Variants in PPP1R1C observed in about 807,000 individuals in gnomAD.
PPP1R1C encodes the protein protein phosphatase 1 regulatory inhibitor subunit 1C.
A neutral mutation model predicts 17.4 loss-of-function variants in PPP1R1C; 15 were observed. The observed-to-expected ratio is 0.86, with a 90% CI of 0.58 to 1.33. The LOEUF (loss-of-function observed/expected upper bound fraction) is 1.33, where lower values mean the gene tolerates loss of function less well. Among genes scored for constraint, PPP1R1C ranks in the 40% most tolerant of loss-of-function variants. The pLI, the probability that PPP1R1C is intolerant of heterozygous loss-of-function variation, is 0.00. For missense variants in PPP1R1C, 143 were observed against 130.0 expected, an observed-to-expected ratio of 1.10 and a Z score of -0.48; for synonymous variants, 35 against 43.1, an observed-to-expected ratio of 0.81 and a Z score of 0.73.
chr2:182,009,004 T>A (rs1686011150), intron 2 of PPP1R1C, among the ~76,000 whole-genome samples: 1 of 152,202 alleles, frequency 6.6e-6, no homozygotes, highest in African/African-American at 2.4e-5. Flanking sequence ...TGTGTTTACG[T>A]ATCACATTTT....
chr2:181,956,498 T>C lies in PPP1R1C; in HGVS notation n.111+1864T>C, dbSNP rs151038329. ...TGTCTGCCACAATGGTTGAACTAAT[T>C]TACACTCCCACCAACAGTGTAAAAG... On this transcript the variant is annotated intron_variant and non_coding_transcript_variant, in intron 1 of 5. Coordinates refer to the PPP1R1C transcript ENST00000464264. Among the ~76,000 whole-genome samples, 1,299 of 152,332 alleles carry C rather than the reference T, an allele frequency of 8.5e-3. 19 individuals carry two copies. The highest frequency in any genetic ancestry group is 0.03 in the African/African-American group (1,250 of 41,574).
chr2:182,011,817 A>G (rs1450897479), intron 2 of PPP1R1C, among the ~76,000 whole-genome samples: 1 of 151,782 alleles, frequency 6.6e-6, no homozygotes. Context: ...TTGTGTTTCT[A>G]TTTTCATTTG....
chr2:182,062,254 G>T (rs1687871852), intron 3 of PPP1R1C, among the ~76,000 whole-genome samples: 1 of 152,002 alleles, frequency 6.6e-6, no homozygotes, highest in Non-Finnish European at 1.5e-5. Context: ...TGAAAATTTT[G>T]TGAAACAGTA....
chr2:182,049,071 G>T (rs991078976), intron 2 of PPP1R1C, among the ~76,000 whole-genome samples: 9 of 152,140 alleles, frequency 5.9e-5, no homozygotes. Flanking sequence ...GGAGGCTCAC[G>T]CCTGTAATCC....
In PPP1R1C at chr2:181,976,820, G is replaced by A. The variant is rs1057046253; in HGVS notation, n.157+1556G>A. Among the ~76,000 whole-genome samples the A allele has an allele frequency of 6.6e-6, 1 of 152,014 alleles. No individual in the cohort carries two copies. Among genetic ancestry groups the A allele is most frequent in the African/African-American group, 2.4e-5 (1 of 41,382 alleles). Reference sequence around the variant, plus strand: ...GTTTGAAGGAGGCTTTCTTTTAACTGTCAAGGTGTTTTTTAAAGAACTTGC... The same window carrying A: ...GTTTGAAGGAGGCTTTCTTTTAACTATCAAGGTGTTTTTTAAAGAACTTGC... On this transcript the variant is annotated intron_variant and non_coding_transcript_variant, in intron 2 of 5. Coordinates refer to the PPP1R1C transcript ENST00000464264. The surrounding 1 kb of genome is among the most constrained non-coding windows in gnomAD (Gnocchi z 4.8).
chr2:182,084,990 GGTATT>G (rs1688585491), intron 4 of PPP1R1C, among the ~76,000 whole-genome samples: 1 of 151,774 alleles, frequency 6.6e-6, no homozygotes, highest in Non-Finnish European at 1.5e-5. Context: ...TATATTCCTA[GGTATT>G]TTATTTTATT....
chr2:182,086,926 A>G (rs1355164048), intron 4 of PPP1R1C, among the ~76,000 whole-genome samples: 2 of 132,606 alleles, frequency 1.5e-5, no homozygotes, highest in African/African-American at 5.0e-5. Context: ...CAGGGGAGAA[A>G]ATACCAAAAA....
intron 2 of PPP1R1C, among the ~76,000 whole-genome samples, chr2:182,060,881 G>A (rs903234282): frequency 5.3e-5 from 8 of 152,090 alleles, no homozygotes; most frequent in Non-Finnish European, 7.4e-5. Context: ...CCATCTCACC[G>A]TTCCTCACAA....
intron 2 of PPP1R1C, among the ~76,000 whole-genome samples, chr2:182,045,545 G>C (rs1044667266): frequency 5.3e-5 from 8 of 151,652 alleles, no homozygotes; most frequent in Admixed American, 5.2e-4. Flanking sequence ...AATGTGTACA[G>C]TAACATCTTG....
chr2:182,131,011 T>C (rs981776742), downstream of PPP1R1C: 2 of 152,226 alleles, frequency 1.3e-5, no homozygotes, highest in Non-Finnish European at 2.9e-5. Context: ...AATAAGATTT[T>C]TCAAAGTAAG....
In PPP1R1C at chr2:182,084,119, T is replaced by G. The variant is rs566297623; in HGVS notation, c.241+20328T>G. On this transcript the variant is annotated intron_variant, in intron 4 of 4. Coordinates refer to ENST00000682840, the MANE Select transcript of PPP1R1C (RefSeq NM_001080545.3). ...CTAATTTTTAATGGGATTATTTGTG[T>G]TTTTTTTTATTTTATTTGTTTGAAT... Among the ~76,000 whole-genome samples the G allele has an allele frequency of 1.8e-3, 275 of 151,376 alleles. 2 individuals are homozygous for G. Among genetic ancestry groups the G allele is most frequent in the African/African-American group, 5.6e-3 (230 of 41,332 alleles).
intron 2 of PPP1R1C, among the ~76,000 whole-genome samples, chr2:182,028,411 G>T (rs1217600048): frequency 2.6e-5 from 4 of 151,400 alleles, no homozygotes; most frequent in African/African-American, 9.7e-5. Flanking sequence ...GGTATGTTGT[G>T]TCTTTGTTCT....
At chr2:182,069,460 T>G (rs1688080735) in intron 4 of PPP1R1C, among the ~76,000 whole-genome samples, 1 of 152,054 alleles carries the variant, frequency 6.6e-6, no homozygotes, top group Non-Finnish European at 1.5e-5. Context: ...TATCTTTTTT[T>G]TTTTGGAGGT....
At position 181,957,065 on chromosome 2, in the gene PPP1R1C, T is replaced by C. The variant is rs1034086466; in HGVS notation, n.111+2431T>C. Among the ~76,000 whole-genome samples the C allele has an allele frequency of 4.6e-5, 7 of 152,162 alleles. No individual in the cohort carries two copies. Among genetic ancestry groups the C allele is most frequent in the African/African-American group, 1.7e-4 (7 of 41,436 alleles). ...ATGCATGTGCTTTGCCACTGGATAA[T>C]TGTGCTAACTCAGGCCAGGTGCAGT... On this transcript the variant is annotated intron_variant and non_coding_transcript_variant, in intron 1 of 5. Coordinates refer to the PPP1R1C transcript ENST00000464264. This position sits in a 1 kb window ranked among gnomAD's most constrained non-coding sequence, Gnocchi z 4.2.
At position 181,967,713 on chromosome 2, in the gene PPP1R1C, T is replaced by G. The variant is rs1684928673; in HGVS notation, n.112-7506T>G. Among the ~76,000 whole-genome samples, 1 of 151,830 alleles carries G rather than the reference T, an allele frequency of 6.6e-6. No individual in the cohort carries two copies. Among genetic ancestry groups the G allele is most frequent in the South Asian group, 2.1e-4 (1 of 4,814 alleles). ...CTTCCTTTCTTTCTCTTTCTTTCTT[T>G]CATTCTTTCTTTCTTTTCTGAGATG... On this transcript the variant is annotated intron_variant and non_coding_transcript_variant, in intron 1 of 5. Transcript: ENST00000464264. The surrounding 1 kb of genome is among the most constrained non-coding windows in gnomAD (Gnocchi z 5.5).
intron 2 of PPP1R1C, among the ~76,000 whole-genome samples, chr2:182,043,413 A>G (rs1687244693): frequency 6.6e-6 from 1 of 152,244 alleles, no homozygotes; most frequent in Non-Finnish European, 1.5e-5. Context: ...GCAAAAGGAT[A>G]TCTGATTTAT....
intron 4 of PPP1R1C, among the ~76,000 whole-genome samples, chr2:182,111,148 T>G (rs1001585543): frequency 1.3e-5 from 2 of 152,192 alleles, no homozygotes; most frequent in African/African-American, 4.8e-5. Flanking sequence ...TAGTACCTTC[T>G]TCCCTACCTT....
intron 4 of PPP1R1C, among the ~76,000 whole-genome samples, chr2:182,089,905 G>A (rs1688732926): frequency 6.6e-6 from 1 of 151,658 alleles, no homozygotes; most frequent in Non-Finnish European, 1.5e-5. Context: ...TCTTCTAATG[G>A]CATAAATATT....
intron 2 of PPP1R1C, among the ~76,000 whole-genome samples, chr2:182,059,981 C>T (rs928313053): frequency 6.6e-6 from 1 of 152,054 alleles, no homozygotes; most frequent in African/African-American, 2.4e-5. Flanking sequence ...GATCACAGTA[C>T]ATTGTTACAG....
Sources: allele counts gnomAD v4.1 joint callset (sites outside exome capture counted in the v4.1 genomes callset), GRCh38; gene constraint gnomAD v4.1.1; non-coding constraint Gnocchi (gnomAD v3.1); transcripts MANE v1.5; gene names NCBI Gene and HGNC (gene_info 2026-07-23, HGNC 2026-07-21).